Variants in SOX5 observed in about 807,000 individuals in gnomAD.
SOX5 encodes transcription factor SOX-5.
In SOX5, 9 loss-of-function variants were observed where a neutral mutation model predicts 92.0. The observed-to-expected ratio is 0.10, with a 90% CI of 0.06 to 0.17. The LOEUF is 0.17. SOX5 is among the 10% of genes least tolerant of loss of function. The pLI, the probability that SOX5 is intolerant of heterozygous loss-of-function variation, is 1.00. For missense variants in SOX5, 642 were observed against 944.5 expected (o/e 0.68, Z 4.20); for synonymous variants, 344 against 336.3 (o/e 1.02, Z -0.25).
chr12:23,729,826 C>T lies in SOX5; in HGVS notation c.810+4858G>A, dbSNP rs527482068. On this transcript the variant is annotated intron_variant, in intron 6 of 14. Coordinates refer to ENST00000451604, the MANE Select transcript of SOX5 (RefSeq NM_006940.6). ...TAGATTTCATGCTAGAACGCATTGT[C>T]GGATTAGCCCTATTAGTTGCTGTAA... Among the ~76,000 whole-genome samples, 27 of 152,248 alleles carry T rather than the reference C, an allele frequency of 1.8e-4. No homozygotes were observed. The Middle Eastern group carries it at 0.01, about 58-fold the overall frequency.
At chr12:24,165,120 T>G (rs577528798) in intron 4 of SOX5, among the ~76,000 whole-genome samples, 3 of 152,216 alleles carry the variant, frequency 2.0e-5, no homozygotes, top group Non-Finnish European at 4.4e-5. Context: ...TTTCAAAAAC[T>G]TTGTGCATAT....
chr12:24,186,964 T>C (rs1176703653), intron 4 of SOX5, among the ~76,000 whole-genome samples: 1 of 149,836 alleles, frequency 6.7e-6, no homozygotes, highest in Non-Finnish European at 1.5e-5. Context: ...TAGGTGAAAA[T>C]GTCAATGAAA....
intron 4 of SOX5, among the ~76,000 whole-genome samples, chr12:24,033,843 G>C (rs1030160235): frequency 6.6e-6 from 1 of 151,990 alleles, no homozygotes. Flanking sequence ...CCTTACGCTA[G>C]CCTGAGTCAG....
chr12:24,176,569 T>C (rs1954835326), intron 4 of SOX5, among the ~76,000 whole-genome samples: 1 of 152,244 alleles, frequency 6.6e-6, no homozygotes, highest in African/African-American at 2.4e-5. Context: ...GCAAATTGCC[T>C]ACAATGTGAT....
intron 11 of SOX5, among the ~76,000 whole-genome samples, chr12:23,548,796 A>G (rs1943643653): frequency 1.3e-5 from 2 of 152,048 alleles, no homozygotes; most frequent in Admixed American, 6.6e-5. Context: ...AAAAGTAGAT[A>G]TAAATTTATA....
In SOX5 at chr12:24,307,164, T is replaced by C. The variant is rs181773777; in HGVS notation, c.-173-29852A>G. Among the ~76,000 whole-genome samples the C allele has an allele frequency of 7.2e-5, 11 of 152,220 alleles. No individual in the cohort carries two copies. The East Asian group carries it at 1.9e-3, about 27-fold the overall frequency. ...ACTTAACTAACATATTAAGTACAAA[T>C]TGTGCAAGAACTTTCACACACGTCG... On this transcript the variant is annotated intron_variant, in intron 2 of 4. Coordinates refer to the SOX5 transcript ENST00000446891.
At chr12:24,545,476 T>A (rs150349940) in intron 1 of SOX5, among the ~76,000 whole-genome samples, 1 of 151,920 alleles carries the variant, frequency 6.6e-6, no homozygotes, top group African/African-American at 2.4e-5. Context: ...CCTCATAAAA[T>A]GGACAAGGGG....
intron 3 of SOX5, among the ~76,000 whole-genome samples, chr12:23,758,290 C>T (rs181355258): frequency 1.4e-3 from 216 of 151,248 alleles, no homozygotes; most frequent in Non-Finnish European, 1.2e-3. Context: ...ATCCATGTTA[C>T]GGGTTTAAAG....
intron 3 of SOX5, among the ~76,000 whole-genome samples, chr12:23,779,831 A>G (rs1170426661): frequency 7.0e-6 from 1 of 143,602 alleles, no homozygotes. Flanking sequence ...ACACACACAC[A>G]CACACACATA....
chr12:23,571,732 T>C (rs1948411026), intron 10 of SOX5, among the ~76,000 whole-genome samples: 1 of 152,192 alleles, frequency 6.6e-6, no homozygotes, highest in Non-Finnish European at 1.5e-5. Context: ...AGGTAATAAA[T>C]ATAGAATCAT....
At chr12:24,464,366 A>C (rs1399623580) in intron 1 of SOX5, among the ~76,000 whole-genome samples, 1 of 149,044 alleles carries the variant, frequency 6.7e-6, no homozygotes, top group African/African-American at 2.5e-5. Context: ...TCTGTCACCC[A>C]GGCTGAAGTG....
intron 1 of SOX5, among the ~76,000 whole-genome samples, chr12:23,908,378 C>T (rs1350317535): frequency 2.0e-5 from 3 of 151,788 alleles, no homozygotes; most frequent in African/African-American, 7.3e-5. Flanking sequence ...TATTATGACC[C>T]CCTACCCTCT....
chr12:23,878,802 A>AT, intron 2 of SOX5, among the ~76,000 whole-genome samples: 1 of 151,992 alleles, frequency 6.6e-6, no homozygotes, highest in East Asian at 1.9e-4. Flanking sequence ...GACTTTCCAA[A>AT]TATTAAAGAA....
At chr12:24,116,621 CT>C (rs929814975) in intron 4 of SOX5, among the ~76,000 whole-genome samples, 101 of 152,094 alleles carry the variant, frequency 6.6e-4, no homozygotes, top group African/African-American at 2.4e-3. Flanking sequence ...AGATGTAACC[CT>C]TTTTTTCCCT....
intron 1 of SOX5, among the ~76,000 whole-genome samples, chr12:24,372,517 T>C (rs1956844505): frequency 6.6e-6 from 1 of 152,222 alleles, no homozygotes; most frequent in Admixed American, 6.5e-5. Context: ...CACATTTCCT[T>C]TATCCAGTCT....
rs757387985 is a variant in SOX5 at position 23,546,385 on chromosome 12, C to A, written c.1528G>T (p.Val510Phe). 4 of 1,609,414 alleles carry A rather than the reference C, an allele frequency of 2.5e-6. No individual in the cohort carries two copies. The highest frequency in any genetic ancestry group is 1.7e-5 in the Admixed American group (1 of 59,990). ...AATTTTCCTTCTTCATTCTGTTTAA[C>A]TGCCAGTTGCTGAGTCAGACTCTCC... ...TLESLTQQLA[V>F]KQNEEGKFSH... The change falls in exon 12 of 15, where the codon GTT (valine) becomes TTT (phenylalanine). Residue 510 changes from valine to phenylalanine, a missense_variant. Around this residue, in one of 8 missense-constraint regions of SOX5, gnomAD observed 324 missense variants for 461.6 expected, o/e 0.70. Coordinates refer to ENST00000451604, the MANE Select transcript of SOX5 (RefSeq NM_006940.6).
chr12:24,450,695 T>C (rs1448559977), intron 1 of SOX5, among the ~76,000 whole-genome samples: 2 of 152,122 alleles, frequency 1.3e-5, no homozygotes, highest in Non-Finnish European at 2.9e-5. Flanking sequence ...TTCACCATAT[T>C]GGCCAGGCTG....
At chr12:23,652,294 T>TG (rs2081677632) in intron 7 of SOX5, among the ~76,000 whole-genome samples, 1 of 152,072 alleles carries the variant, frequency 6.6e-6, no homozygotes, top group South Asian at 2.1e-4. Flanking sequence ...CCTTATATCT[T>TG]GTTCATGCCA....
At chr12:23,564,987 G>T (rs1946826662) in intron 10 of SOX5, among the ~76,000 whole-genome samples, 1 of 152,198 alleles carries the variant, frequency 6.6e-6, no homozygotes, top group African/African-American at 2.4e-5. Flanking sequence ...GCGCAGAGTA[G>T]ACCTGGTCCT....
Sources: gnomAD v4.1 joint callset for allele counts (sites outside exome capture counted in the v4.1 genomes callset) on GRCh38, gnomAD v4.1.1 for gene constraint, gnomAD v4.1.1 regional missense constraint, MANE v1.5 for transcripts, NCBI Gene and HGNC (gene_info 2026-07-23, HGNC 2026-07-21) for gene names.